NTN1: variants seen among roughly 807,000 people sequenced by gnomAD.
The protein encoded by NTN1 is netrin-1.
NTN1 carries 11 observed loss-of-function variants against 54.2 expected under a neutral mutation model. That is an observed-to-expected ratio of 0.20 (90% confidence interval 0.13 to 0.34). NTN1 has a LOEUF of 0.34. Among genes scored for constraint, NTN1 ranks in the 10% least tolerant of loss-of-function variants. The pLI is 1.00. For missense variants in NTN1, 740 were observed against 893.1 expected (o/e 0.83, Z 2.18); for synonymous variants, 371 against 382.0 (o/e 0.97, Z 0.33).
intron 2 of NTN1, among the ~76,000 whole-genome samples, chr17:9,120,236 G>C (rs1187736246): frequency 3.4e-5 from 5 of 146,594 alleles, no homozygotes; most frequent in Non-Finnish European, 7.4e-5. Flanking sequence ...AGTGAGCCGA[G>C]ATCATGCCAC....
intron 2 of NTN1, among the ~76,000 whole-genome samples, chr17:9,044,357 C>T (rs1383161772): frequency 1.3e-5 from 2 of 152,028 alleles, no homozygotes; most frequent in Non-Finnish European, 2.9e-5. Context: ...GCCTCAGCCT[C>T]CCAAATAGCT....
At chr17:9,036,993 CA>C (rs2091905605) in intron 2 of NTN1, among the ~76,000 whole-genome samples, 1 of 152,150 alleles carries the variant, frequency 6.6e-6, no homozygotes, top group African/African-American at 2.4e-5. Flanking sequence ...CTTTGCCTTC[CA>C]GTGTGTTCGC....
At chr17:9,114,162 A>ATATATATATAT (rs1180136945) in intron 2 of NTN1, among the ~76,000 whole-genome samples, 374 of 83,990 alleles carry the variant, frequency 4.5e-3, no homozygotes, top group Non-Finnish European at 7.0e-3. Context: ...AGAAAAAAAA[A>ATATATATATAT]AAAAATATAT....
At chr17:9,074,574 TC>T (rs891261533) in intron 2 of NTN1, among the ~76,000 whole-genome samples, 8 of 152,220 alleles carry the variant, frequency 5.3e-5, no homozygotes, top group Admixed American at 1.3e-4. Flanking sequence ...AGTAGACAGA[TC>T]CAGATGACTC....
chr17:9,195,030 T>A (rs776088370), intron 5 of NTN1, among the ~76,000 whole-genome samples: 3 of 151,952 alleles, frequency 2.0e-5, no homozygotes, highest in Non-Finnish European at 4.4e-5. Context: ...TCTGTCTCCC[T>A]CTCTCTCTCC....
intron 2 of NTN1, among the ~76,000 whole-genome samples, chr17:9,030,433 G>T (rs2091885203): frequency 6.6e-6 from 1 of 152,218 alleles, no homozygotes; most frequent in Non-Finnish European, 1.5e-5. Flanking sequence ...ATTGGTGCAT[G>T]TGAAGAAGAC....
At chr17:9,189,556 T>G (rs1203696073) in intron 5 of NTN1, among the ~76,000 whole-genome samples, 1 of 152,110 alleles carries the variant, frequency 6.6e-6, no homozygotes, top group Non-Finnish European at 1.5e-5. Context: ...TTCACCATGT[T>G]GGCCAGGCTG....
intron 2 of NTN1, among the ~76,000 whole-genome samples, chr17:9,157,868 G>A (rs2092347454): frequency 6.6e-6 from 1 of 152,200 alleles, no homozygotes; most frequent in African/African-American, 2.4e-5. Flanking sequence ...CTTGAAATCT[G>A]ATAATGAAAC....
At chr17:9,096,371 T>C (rs1181791513) in intron 2 of NTN1, among the ~76,000 whole-genome samples, 1 of 130,370 alleles carries the variant, frequency 7.7e-6, no homozygotes, top group Non-Finnish European at 1.6e-5. Flanking sequence ...GTAGACTTTT[T>C]TTTTTTTTTT....
chr17:9,109,739 AT>A (rs1168513451), intron 2 of NTN1, among the ~76,000 whole-genome samples: 1 of 152,092 alleles, frequency 6.6e-6, no homozygotes, highest in African/African-American at 2.4e-5. Flanking sequence ...CTATGTGGAA[AT>A]TTTCATCGGC....
Position 9,201,324 on chromosome 17 carries a change from G to A in NTN1, c.1411+18355G>A, listed in dbSNP as rs563357003. ...TGGGCTTACAGAGCTCATCTCTGCT[G>A]TAAGAGTTCTGAACTTACTGTGTGG... On this transcript the variant is annotated intron_variant, in intron 5 of 6. Transcript: ENST00000173229. Among the ~76,000 whole-genome samples the A allele has an allele frequency of 4.1e-4, 62 of 152,308 alleles. 4 individuals are homozygous for A. In the South Asian group the frequency reaches 1.0e-2, roughly 24 times the overall value.
At chr17:9,207,598 C>T in intron 5 of NTN1, among the ~76,000 whole-genome samples, 1 of 152,160 alleles carries the variant, frequency 6.6e-6, no homozygotes, top group East Asian at 1.9e-4. Context: ...TCCTTGGTCG[C>T]CTGTCTGCCA....
At chr17:9,194,256 G>T (rs1396639268) in intron 5 of NTN1, among the ~76,000 whole-genome samples, 2 of 152,116 alleles carry the variant, frequency 1.3e-5, no homozygotes, top group Non-Finnish European at 2.9e-5. Context: ...ATTATGCAAT[G>T]TTGTGATATA....
chr17:9,066,998 CAAA>C (rs71361855), intron 2 of NTN1, among the ~76,000 whole-genome samples: 1 of 89,352 alleles, frequency 1.1e-5, no homozygotes, highest in African/African-American at 4.4e-5. Context: ...GACTCCATCT[CAAA>C]AAAAAAAAAA....
chr17:9,123,861 T>C (rs1458171325), intron 2 of NTN1, among the ~76,000 whole-genome samples: 1 of 152,226 alleles, frequency 6.6e-6, no homozygotes, highest in East Asian at 1.9e-4. Flanking sequence ...TTGTAAGTGG[T>C]AAAACACCAT....
intron 2 of NTN1, among the ~76,000 whole-genome samples, chr17:9,035,071 C>A (rs1052960938): frequency 6.6e-6 from 1 of 152,148 alleles, no homozygotes; most frequent in South Asian, 2.1e-4. Flanking sequence ...CTCAGTCTCC[C>A]GAGTAGCTGG....
intron 5 of NTN1, among the ~76,000 whole-genome samples, chr17:9,185,680 C>T (rs1222899891): frequency 2.0e-5 from 3 of 152,110 alleles, no homozygotes; most frequent in Non-Finnish European, 2.9e-5. Flanking sequence ...CCAAGGCTCC[C>T]CTGGCACTCA....
chr17:9,166,205 C>T (rs1004543858), intron 3 of NTN1, among the ~76,000 whole-genome samples: 1 of 127,230 alleles, frequency 7.9e-6, no homozygotes, highest in African/African-American at 3.0e-5. Flanking sequence ...CCACCACCAC[C>T]ACCAGCACCT....
Position 9,239,411 on chromosome 17 carries a change from G to A in NTN1, c.1487-229G>A, listed in dbSNP as rs1214216561. 6.6e-6 allele frequency among the ~76,000 whole-genome samples: 1 copy of A among 152,134 alleles called. No individual in the cohort carries two copies. The highest frequency in any genetic ancestry group is 2.4e-5 in the African/African-American group (1 of 41,434). On this transcript the variant is annotated intron_variant, in intron 6 of 6. Transcript: ENST00000173229. The surrounding 1 kb of genome is among the most constrained non-coding windows in gnomAD (Gnocchi z 5.2). ...AGGCCAGGAGATGGCTTGTCCCGACGGCAGTGCTGGGTGGCACCCTCACAG... is the reference window on the plus strand; with the variant it reads ...AGGCCAGGAGATGGCTTGTCCCGACAGCAGTGCTGGGTGGCACCCTCACAG...
Sources: allele counts gnomAD v4.1 joint callset (sites outside exome capture counted in the v4.1 genomes callset), GRCh38; gene constraint gnomAD v4.1.1; non-coding constraint Gnocchi (gnomAD v3.1); transcripts MANE v1.5; gene names NCBI Gene and HGNC (gene_info 2026-07-23, HGNC 2026-07-21).